The following PLCXD1 variants were observed in gnomAD, a reference collection of about 807,000 sequenced individuals.
The protein encoded by PLCXD1 is PI-PLC X domain-containing protein 1.
PLCXD1 carries 45 observed loss-of-function variants against 37.8 expected under a neutral mutation model. The observed-to-expected ratio is 1.19, with a 90% CI of 0.94 to 1.53. The LOEUF is 1.53. PLCXD1 is among the 40% of genes most tolerant of loss of function. The pLI, the probability that PLCXD1 is intolerant of heterozygous loss-of-function variation, is 0.00. For synonymous variants in PLCXD1, 246 were observed against 206.9 expected, an observed-to-expected ratio of 1.19 and a Z score of -1.62; for missense variants, 539 against 454.7, an observed-to-expected ratio of 1.19 and a Z score of -1.69.
chrX:291,613 T>G lies in PLCXD1; in HGVS notation c.508T>G (p.Cys170Gly). 1.2e-6 allele frequency: 2 copies of G among 1,612,974 alleles called. No homozygotes were observed. Among genetic ancestry groups the G allele is most frequent in the Non-Finnish European group, 1.7e-6 (2 of 1,179,846 alleles). Residue 170 changes from cysteine to glycine, a missense_variant, in exon 5 of 7, where the codon TGT becomes GGT. Cys to Gly is a radical substitution (Grantham distance 159, BLOSUM62 -3). Transcript: ENST00000381657. The stretch of plus-strand genomic sequence containing the variant: ...GGACCTGCACGAGTACCTGGTCGCC[T>G]GTATCAAGAACATCTTCGGGGACAT... ...SEDLHEYLVA[C>G]IKNIFGDMLC...
At position 291,922 on chromosome X, in the gene PLCXD1, C is replaced by T. The variant is rs745785203; in HGVS notation, c.549+268C>T. On this transcript the variant is annotated intron_variant, in intron 5 of 6. Coordinates refer to ENST00000381657, the MANE Select transcript of PLCXD1 (RefSeq NM_018390.4). ...GTGGCTCACGCCTGTCATCCCAGCA[C>T]TTTGGGAGGCCGAGGCGGGTGGATC... 3.9e-5 allele frequency among the ~76,000 whole-genome samples: 6 copies of T among 152,102 alleles called. No individual in the cohort carries two copies. In the South Asian group the frequency reaches 1.2e-3, roughly 32 times the overall value.
upstream of PLCXD1, among the ~76,000 whole-genome samples, chrX:278,832 C>A (rs371863743): frequency 5.9e-5 from 9 of 151,498 alleles, no homozygotes; most frequent in East Asian, 1.6e-3. Context: ...CCTAGGTGGT[C>A]GGAGGACATC....
upstream of PLCXD1, among the ~76,000 whole-genome samples, chrX:278,526 G>A (rs971158298): frequency 1.3e-5 from 2 of 152,008 alleles, no homozygotes; most frequent in African/African-American, 2.4e-5. Context: ...ATCACCTGAC[G>A]TCAGGAGTTC....
intron 2 of PLCXD1, among the ~76,000 whole-genome samples, chrX:284,526 GCA>G (rs1166684150): frequency 1.3e-5 from 2 of 152,190 alleles, no homozygotes; most frequent in Non-Finnish European, 2.9e-5. Flanking sequence ...TCATGGACAT[GCA>G]CAGACATGCA....
intron 1 of PLCXD1, chrX:283,356 C>G: frequency 6.6e-6 from 1 of 151,906 alleles, no homozygotes; most frequent in Non-Finnish European, 1.5e-5. Context: ...AGGAGACCAG[C>G]CCGTGTTATA....
intron 2 of PLCXD1, among the ~76,000 whole-genome samples, chrX:284,548 GCATGCACACATGTGCACACATA>G (rs1569564404): frequency 6.6e-6 from 1 of 151,818 alleles, no homozygotes; most frequent in East Asian, 1.9e-4. Context: ...ATACACACAG[GCATGCACACATGTGCACACATA>G]CACAGGCATA....
At chrX:284,676 C>A (rs2069391219) in intron 2 of PLCXD1, among the ~76,000 whole-genome samples, 1 of 151,708 alleles carries the variant, frequency 6.6e-6, no homozygotes, top group Admixed American at 6.6e-5. Context: ...ACATGCACAT[C>A]TGCACACATA....
At chrX:277,920 G>C (rs2069185960), upstream of PLCXD1, among the ~76,000 whole-genome samples, 1 of 66,644 alleles carries the variant, frequency 1.5e-5, no homozygotes, top group Non-Finnish European at 2.9e-5. Flanking sequence ...GACCTGGGAT[G>C]TGAGGGGAGG....
chrX:299,332 C>G lies in PLCXD1; in HGVS notation c.969C>G (p.Cys323Trp), dbSNP rs770552204. 2 of 1,606,452 alleles carry G rather than the reference C, an allele frequency of 1.2e-6. No individual in the cohort carries two copies. Among genetic ancestry groups the G allele is most frequent in the Non-Finnish European group, 1.7e-6 (2 of 1,173,116 alleles). ...CGCTCAATCAGAAGCTGCTGTGGTG[C>G]TGACGGGACCCTTCTGAAGTTCGGG... Reference protein sequence around the residue: ...VIALNQKLLWC With the variant: ...VIALNQKLLWW Residue 323 changes from cysteine (C) to tryptophan (W), a missense_variant, in exon 7 of 7, where the codon TGC (cysteine) becomes TGG (tryptophan). Cys to Trp is a radical substitution (Grantham distance 215). Transcript: ENST00000381657.
At chrX:288,088 GCCT>G (rs747371818) in intron 2 of PLCXD1, among the ~76,000 whole-genome samples, 178 of 150,678 alleles carry the variant, frequency 1.2e-3, no homozygotes, top group African/African-American at 4.1e-3. Context: ...TCTCCACGTG[GCCT>G]CCTCCTCTGG....
At chrX:294,158 C>T (rs1346770553) in intron 6 of PLCXD1, among the ~76,000 whole-genome samples, 6 of 152,068 alleles carry the variant, frequency 3.9e-5, no homozygotes, top group Middle Eastern at 3.4e-3. Context: ...GCCAACATGG[C>T]GAAACCTCTT....
chrX:289,662 C>T (rs761362072), intron 3 of PLCXD1, among the ~76,000 whole-genome samples: 74 of 151,756 alleles, frequency 4.9e-4, no homozygotes, highest in South Asian at 3.1e-3. Context: ...CAGGCTCCCG[C>T]GACCACGCCC....
intron 2 of PLCXD1, among the ~76,000 whole-genome samples, chrX:287,823 G>A (rs1322282008): frequency 5.9e-5 from 9 of 151,330 alleles, no homozygotes; most frequent in African/African-American, 1.5e-4. Flanking sequence ...AAATGCAAAC[G>A]TCAGCCATCA....
In PLCXD1 at chrX:299,581, A is replaced by C. The variant is rs1246402127; in HGVS notation, c.*246A>C. 6.9e-6 allele frequency: 4 copies of C among 582,626 alleles called. No individual in the cohort carries two copies. The highest frequency in any genetic ancestry group is 1.2e-5 in the Non-Finnish European group (4 of 327,298). 36.1% of individuals were successfully genotyped at this position (582,626 alleles called of 1,614,324 possible). On this transcript the variant is annotated 3_prime_UTR_variant, in exon 7 of 7. Coordinates refer to ENST00000381657, the MANE Select transcript of PLCXD1 (RefSeq NM_018390.4). ...GAGAGCAGCCTGACCAACATGGTGA[A>C]ATCCCATCTCTACTAAAAATACAAA...
rs113401566 is a variant in PLCXD1, at chrX:284,916, T to C, written c.127+602T>C. On this transcript the variant is annotated intron_variant, in intron 2 of 6. Transcript: ENST00000381657. Reference sequence around the variant, plus strand: ...CAACCATCAGATCTCGTGAGACTTATTCACGATCACGAGAACAGCATGGGA... The same window carrying C: ...CAACCATCAGATCTCGTGAGACTTACTCACGATCACGAGAACAGCATGGGA... 3.1e-3 allele frequency among the ~76,000 whole-genome samples: 477 copies of C among 152,272 alleles called. 1 individual carries two copies. Among genetic ancestry groups the C allele is most frequent in the Non-Finnish European group, 3.6e-3 (245 of 68,022 alleles).
rs753275333 is a variant in PLCXD1, at chrX:299,482, T to C, written c.*147T>C. ...TTCTTTAAAATAGAGATGGGGTGGC[T>C]GGGCGTGGTGACTTCGCCTGTCTTC... On this transcript the variant is annotated 3_prime_UTR_variant, in exon 7 of 7. Coordinates refer to ENST00000381657, the MANE Select transcript of PLCXD1 (RefSeq NM_018390.4). The C allele has an allele frequency of 1.7e-5, 12 of 689,472 alleles. No homozygotes were observed. In the East Asian group the frequency reaches 1.9e-4, roughly 11 times the overall value. 42.7% of individuals were successfully genotyped at this position (689,472 alleles called of 1,614,324 possible). A position where few individuals can be genotyped will look rare whatever the true frequency, so the allele number is the denominator to read the frequency against.
At position 293,044 on chromosome X, in the gene PLCXD1, A is replaced by G. The variant is rs775582607; in HGVS notation, c.559A>G (p.Thr187Ala). The stretch of plus-strand genomic sequence containing the variant: ...CTCTGGTCCTTTGCAGGAGGTGCCG[A>G]CACTGCGGCAGCTGTGGTCCCGGGG... The part of the protein sequence containing the change: ...DMLCPRGEVP[T>A]LRQLWSRGQQ... The change falls in exon 6 of 7, where the codon ACA becomes GCA. Residue 187 changes from threonine to alanine, a missense_variant. Coordinates refer to ENST00000381657, the MANE Select transcript of PLCXD1 (RefSeq NM_018390.4). The G allele has an allele frequency of 1.2e-6, 2 of 1,607,204 alleles. No individual in the cohort carries two copies. Among genetic ancestry groups the G allele is most frequent in the Admixed American group, 1.7e-5 (1 of 59,834 alleles).
In PLCXD1 at chrX:300,191, A is replaced by G. The variant is rs1199075032; in HGVS notation, c.*856A>G. 1 of 151,834 alleles carries G rather than the reference A, an allele frequency of 6.6e-6. No individual in the cohort carries two copies. The highest frequency in any genetic ancestry group is 2.4e-5 in the African/African-American group (1 of 41,322). 9.4% of individuals were successfully genotyped at this position (151,834 alleles called of 1,614,324 possible). A position where few individuals can be genotyped will look rare whatever the true frequency, so the allele number is the denominator to read the frequency against. ...TCAAGAACCACCATGGCAGCCCATA[A>G]TATGTTTTCTTATTTCTGTATTCTC... On this transcript the variant is annotated 3_prime_UTR_variant, in exon 7 of 7. Transcript: ENST00000381657.
rs147724313 is a variant in PLCXD1, at chrX:293,114, G to A, written c.629G>A (p.Arg210Gln). Residue 210 changes from arginine (R) to glutamine (Q), a missense_variant, in exon 6 of 7, where the codon CGG becomes CAG. Physicochemically the swap from Arg to Gln is conservative, Grantham distance 43. Transcript: ENST00000381657. ...VSYEDESSLR[R>Q]HHELWPGVPY... is the part of the protein sequence containing the mutation. ...TATGAAGACGAGAGCTCCTTGCGCC[G>A]GCACCACGAGCTGTGGCCAGGAGTC... 75 of 1,612,288 alleles carry A rather than the reference G, an allele frequency of 4.7e-5. No homozygotes were observed. In the African/African-American group the frequency reaches 5.9e-4, roughly 13 times the overall value.
Sources: allele counts gnomAD v4.1 joint callset (sites outside exome capture counted in the v4.1 genomes callset), GRCh38; gene constraint gnomAD v4.1.1; transcripts MANE v1.5; gene names NCBI Gene and HGNC (gene_info 2026-07-23, HGNC 2026-07-21).